KANK1: variants seen among roughly 807,000 people sequenced by gnomAD.
The protein encoded by KANK1 is KN motif and ankyrin repeat domain-containing protein 1.
KANK1 carries 109 observed loss-of-function variants against 106.2 expected under a neutral mutation model. The ratio of observed to expected loss-of-function variants is 1.03; its 90% confidence interval spans 0.88 to 1.20. The LOEUF (loss-of-function observed/expected upper bound fraction) is 1.20. Among genes scored for constraint, KANK1 ranks in the 50% most tolerant of loss-of-function variants. KANK1 has a pLI of 0.00. For missense variants in KANK1, 2,399 were observed against 1,710.7 expected (o/e 1.40, Z -7.10); for synonymous variants, 873 against 652.2 (o/e 1.34, Z -5.16).
At chr9:715,793 C>T (rs942068665) in intron 3 of KANK1, among the ~76,000 whole-genome samples, 15 of 152,200 alleles carry the variant, frequency 9.9e-5, no homozygotes, top group Admixed American at 6.5e-4. Flanking sequence ...TTTTGTTTAA[C>T]GTTCTAATGA....
Position 671,444 on chromosome 9 carries a change from G to A in KANK1, c.-83-5446G>A, listed in dbSNP as rs1361923594. ...GCAGATCACAAGGTCAGGAGATCAAGACCATCCTGGCTAACACGGTGAAAC... is the reference window on the plus strand; with the variant it reads ...GCAGATCACAAGGTCAGGAGATCAAAACCATCCTGGCTAACACGGTGAAAC... On this transcript the variant is annotated intron_variant, in intron 1 of 11. Transcript: ENST00000382297. Among the ~76,000 whole-genome samples the A allele has an allele frequency of 2.0e-5, 3 of 151,110 alleles. No homozygotes were observed. In the East Asian group the frequency reaches 5.9e-4, roughly 30 times the overall value.
chr9:576,760 G>GTT (rs143072782), intron 1 of KANK1, among the ~76,000 whole-genome samples: 7 of 147,918 alleles, frequency 4.7e-5, no homozygotes, highest in Non-Finnish European at 6.0e-5. Flanking sequence ...GAGGGACCTT[G>GTT]TTTTTTTTTT....
intron 1 of KANK1, among the ~76,000 whole-genome samples, chr9:584,868 C>T (rs1823059101): frequency 2.6e-5 from 4 of 152,186 alleles, no homozygotes; most frequent in Admixed American, 2.6e-4. Context: ...AACCTTTTGG[C>T]TTGAGAGCCA....
At chr9:653,367 G>T (rs528221149) in intron 1 of KANK1, among the ~76,000 whole-genome samples, 2 of 152,198 alleles carry the variant, frequency 1.3e-5, no homozygotes, top group African/African-American at 4.8e-5. Context: ...TGAGTCTCCA[G>T]TTCTCACAAG....
intron 1 of KANK1, among the ~76,000 whole-genome samples, chr9:654,018 C>G (rs989257185): frequency 6.6e-6 from 1 of 152,208 alleles, no homozygotes; most frequent in Non-Finnish European, 1.5e-5. Context: ...TATGCCCTTT[C>G]ATGCTTCCAC....
At chr9:514,887 T>A (rs2059210449) in intron 1 of KANK1, among the ~76,000 whole-genome samples, 2 of 151,772 alleles carry the variant, frequency 1.3e-5, no homozygotes, top group African/African-American at 4.9e-5. Flanking sequence ...TTCCCAGCAG[T>A]GGTGTATGAG....
chr9:489,167 T>C (rs181006179), intron 3 of KANK1: 6 of 152,320 alleles, frequency 3.9e-5, no homozygotes, highest in South Asian at 2.1e-4. Context: ...TAAATACACA[T>C]ATATTTTATG....
chr9:588,289 A>G (rs959659740), intron 1 of KANK1, among the ~76,000 whole-genome samples: 3 of 152,154 alleles, frequency 2.0e-5, no homozygotes, highest in Admixed American at 1.3e-4. Context: ...TGGTTTCTCT[A>G]TCCCATCTCC....
chr9:613,106 G>GT (rs1211460733), intron 1 of KANK1, among the ~76,000 whole-genome samples: 1 of 152,038 alleles, frequency 6.6e-6, no homozygotes, highest in Non-Finnish European at 1.5e-5. Context: ...GAGGTAGCAT[G>GT]TACTGTAAAA....
At chr9:654,421 G>T (rs550094128) in intron 1 of KANK1, among the ~76,000 whole-genome samples, 22 of 152,288 alleles carry the variant, frequency 1.4e-4, no homozygotes, top group African/African-American at 5.3e-4. Context: ...GAGAATCTTG[G>T]AATAGTATAT....
chr9:547,145 G>C (rs148822243), intron 1 of KANK1, among the ~76,000 whole-genome samples: 10 of 152,200 alleles, frequency 6.6e-5, no homozygotes, highest in South Asian at 4.1e-4. Context: ...ATTGCAGCAC[G>C]AGAGTCCCTT....
chr9:557,695 C>G (rs1435643285), intron 1 of KANK1, among the ~76,000 whole-genome samples: 1 of 152,176 alleles, frequency 6.6e-6, no homozygotes, highest in East Asian at 1.9e-4. Context: ...AGCCCAAGAA[C>G]TTAACTGAGG....
chr9:536,064 G>C (rs929274389), intron 1 of KANK1, among the ~76,000 whole-genome samples: 1 of 142,186 alleles, frequency 7.0e-6, no homozygotes, highest in Admixed American at 6.9e-5. Flanking sequence ...CGTGTGGGGC[G>C]CGGTGGCTCA....
intron 2 of KANK1, among the ~76,000 whole-genome samples, chr9:685,029 AAGC>A (rs1818283048): frequency 2.0e-5 from 3 of 152,228 alleles, no homozygotes; most frequent in Admixed American, 1.3e-4. Flanking sequence ...CAAAAACCAA[AAGC>A]AGACTCTTTT....
Position 538,985 on chromosome 9 carries a change from A to G in KANK1, c.-84+34231A>G, listed in dbSNP as rs139995897. 8.7e-3 allele frequency among the ~76,000 whole-genome samples: 1,320 copies of G among 152,228 alleles called. 23 individuals carry two copies. Among genetic ancestry groups the G allele is most frequent in the African/African-American group, 0.031 (1,279 of 41,524 alleles). ...AGCCTCCACCTCCTGGGTTCAAGCA[A>G]TTCTCCTGCCTCAGCCTCCCGAGTA... On this transcript the variant is annotated intron_variant, in intron 1 of 11. Transcript: ENST00000382297.
intron 2 of KANK1, among the ~76,000 whole-genome samples, chr9:690,383 C>T (rs940596586): frequency 1.3e-5 from 2 of 151,356 alleles, no homozygotes; most frequent in African/African-American, 4.9e-5. Flanking sequence ...AAATAGTATG[C>T]ATTCAGCAGT....
Position 711,168 on chromosome 9 carries a change from C to T in KANK1, c.402C>T (p.Ile134=). The change falls in exon 3 of 12, where the codon ATC becomes ATT. Residue 134 remains isoleucine (I), a synonymous_variant. Coordinates refer to ENST00000382297, the MANE Select transcript of KANK1 (RefSeq NM_015158.5). ...AGACCTCACTCCCTTTTCTTACCAT[C>T]CCAGAAAATCGACAGCTGCCACCTC... ...PLETSLPFLT[I]PENRQLPPPS... is the part of the protein sequence containing the mutation. 1 of 1,614,198 alleles carries T rather than the reference C, an allele frequency of 6.2e-7. No individual in the cohort carries two copies. The highest frequency in any genetic ancestry group is 8.5e-7 in the Non-Finnish European group (1 of 1,180,042).
intron 1 of KANK1, among the ~76,000 whole-genome samples, chr9:509,093 T>C (rs2058913093): frequency 6.6e-6 from 1 of 152,140 alleles, no homozygotes; most frequent in Non-Finnish European, 1.5e-5. Flanking sequence ...GGACAAAATA[T>C]GACCTATTTA....
chr9:624,068 G>C (rs1242646446), intron 1 of KANK1, among the ~76,000 whole-genome samples: 1 of 152,184 alleles, frequency 6.6e-6, no homozygotes, highest in Non-Finnish European at 1.5e-5. Context: ...AGGAAAGCCT[G>C]CCATTTGCAA....
Sources: allele counts gnomAD v4.1 joint callset (sites outside exome capture counted in the v4.1 genomes callset), GRCh38; gene constraint gnomAD v4.1.1; transcripts MANE v1.5; gene names NCBI Gene and HGNC (gene_info 2026-07-23, HGNC 2026-07-21).